Variants in BTRC observed in about 807,000 individuals in gnomAD.
The protein encoded by BTRC is beta-transducin repeat containing E3 ubiquitin protein ligase.
Under a neutral mutation model 85.5 loss-of-function variants are expected in BTRC, and 42 were observed. The observed-to-expected ratio is 0.49, with a 90% CI of 0.38 to 0.64. BTRC has a LOEUF of 0.64. Among genes scored for constraint, BTRC ranks in the 30% least tolerant of loss-of-function variants. The pLI is 0.00. For missense variants in BTRC, 594 were observed against 743.5 expected (o/e 0.80, Z 2.34); for synonymous variants, 255 against 263.3 (o/e 0.97, Z 0.30).
rs537901117 is a variant in BTRC at position 101,555,343 on chromosome 10, A to G, written c.*2220A>G. 1.3e-5 allele frequency: 2 copies of G among 152,760 alleles called. No homozygotes were observed. The highest frequency in any genetic ancestry group is 1.9e-4 in the East Asian group (1 of 5,192). The allele number at this position is 152,760 out of a possible 1,614,324, so 9.5% of individuals were successfully genotyped here. A position where few individuals can be genotyped will look rare whatever the true frequency, so the allele number is the denominator to read the frequency against. Reference sequence around the variant, plus strand: ...TTGGTGCCCAGGGTTTTGCTCTCCAATCTAGGTTCAGTTGAAGGAATATTG... The same window carrying G: ...TTGGTGCCCAGGGTTTTGCTCTCCAGTCTAGGTTCAGTTGAAGGAATATTG... On this transcript the variant is annotated 3_prime_UTR_variant, in exon 15 of 15. Coordinates refer to ENST00000370187, the MANE Select transcript of BTRC (RefSeq NM_033637.4).
intron 1 of BTRC, 90 bp downstream of exon 1, chr10:101,354,318 C>A (rs1165379307): frequency 6.1e-5 from 86 of 1,419,862 alleles, no homozygotes; most frequent in African/African-American, 7.4e-5. Context: ...CGGGACCGGG[C>A]AGCGGGACCC....
chr10:101,482,330 CT>C (rs927087475), intron 4 of BTRC, among the ~76,000 whole-genome samples: 20 of 146,284 alleles, frequency 1.4e-4, no homozygotes, highest in African/African-American at 4.8e-4. Flanking sequence ...CAAGTTTTTT[CT>C]TTTTTATTTA....
intron 2 of BTRC, among the ~76,000 whole-genome samples, chr10:101,461,736 C>A (rs1160299849): frequency 6.6e-6 from 1 of 152,088 alleles, no homozygotes; most frequent in Non-Finnish European, 1.5e-5. Context: ...ATATGATCTC[C>A]TACACAATGC....
At chr10:101,492,462 G>A (rs1946158111) in intron 4 of BTRC, among the ~76,000 whole-genome samples, 1 of 152,098 alleles carries the variant, frequency 6.6e-6, no homozygotes, top group Non-Finnish European at 1.5e-5. Context: ...ACATCTATGT[G>A]TGACGTTCAT....
chr10:101,404,639 A>T (rs945761453), intron 1 of BTRC, among the ~76,000 whole-genome samples: 1 of 152,084 alleles, frequency 6.6e-6, no homozygotes, highest in African/African-American at 2.4e-5. Context: ...GATATATTCC[A>T]TGCGTGTGCC....
rs556974618 is a variant in BTRC, at chr10:101,468,873, T to G, written c.234+6815T>G. Among the ~76,000 whole-genome samples the G allele has an allele frequency of 7.2e-5, 11 of 152,360 alleles. No individual in the cohort carries two copies. In the South Asian group the frequency reaches 2.1e-3, roughly 29 times the overall value. ...ATATGTTTCACCTGACAACTAAACC[T>G]TCTATTGATTAGCCATTACTTTGTT... On this transcript the variant is annotated intron_variant, in intron 3 of 14. Coordinates refer to ENST00000370187, the MANE Select transcript of BTRC (RefSeq NM_033637.4).
chr10:101,399,344 T>C (rs1554869485), intron 1 of BTRC, among the ~76,000 whole-genome samples: 2 of 91,112 alleles, frequency 2.2e-5, no homozygotes, highest in Non-Finnish European at 4.5e-5. Flanking sequence ...TTTTTTTTTT[T>C]AGAATTTTTA....
At chr10:101,532,584 A>C in intron 8 of BTRC, 152 bp downstream of exon 8, 1 of 1,069,884 alleles carries the variant, frequency 9.3e-7, no homozygotes, top group East Asian at 2.7e-5. Flanking sequence ...TCATTTCCTT[A>C]AAGGACAGAC....
chr10:101,446,856 T>G (rs192293576), intron 2 of BTRC, among the ~76,000 whole-genome samples: 31 of 152,302 alleles, frequency 2.0e-4, no homozygotes, highest in South Asian at 4.1e-4. Context: ...CCCCCAAAGA[T>G]CTAAACCAGG....
intron 1 of BTRC, among the ~76,000 whole-genome samples, chr10:101,365,351 G>A (rs1942338898): frequency 6.6e-6 from 1 of 150,484 alleles, no homozygotes; most frequent in African/African-American, 2.4e-5. Flanking sequence ...GGGATTACTG[G>A]CGTGAGCCAC....
chr10:101,439,518 CT>C (rs1382633326), intron 2 of BTRC, among the ~76,000 whole-genome samples: 1 of 152,178 alleles, frequency 6.6e-6, no homozygotes, highest in East Asian at 1.9e-4. Context: ...CTTGTATTGG[CT>C]ATGAAATATT....
At chr10:101,520,738 A>G (rs2062092251) in intron 4 of BTRC, among the ~76,000 whole-genome samples, 1 of 152,160 alleles carries the variant, frequency 6.6e-6, no homozygotes, top group Non-Finnish European at 1.5e-5. Context: ...TGGGCAGATC[A>G]TTTGATGTCA....
At chr10:101,495,236 G>T (rs1946230597) in intron 4 of BTRC, among the ~76,000 whole-genome samples, 1 of 152,144 alleles carries the variant, frequency 6.6e-6, no homozygotes, top group Admixed American at 6.5e-5. Flanking sequence ...ATGTTGCTTT[G>T]TTGGTGGAAC....
At chr10:101,461,443 G>GT (rs1945222990) in intron 2 of BTRC, among the ~76,000 whole-genome samples, 1 of 152,026 alleles carries the variant, frequency 6.6e-6, no homozygotes, top group African/African-American at 2.4e-5. Flanking sequence ...GCTGTTTGAG[G>GT]TGACAGTGCC....
chr10:101,363,442 CGTTTTT>C (rs1289878428), intron 1 of BTRC, among the ~76,000 whole-genome samples: 5 of 151,630 alleles, frequency 3.3e-5, no homozygotes, highest in East Asian at 3.9e-4. Context: ...AGGGGAAGTT[CGTTTTT>C]GTTTTTGTTT....
chr10:101,440,662 C>T (rs1182636351), intron 2 of BTRC, among the ~76,000 whole-genome samples: 1 of 151,866 alleles, frequency 6.6e-6, no homozygotes, highest in Non-Finnish European at 1.5e-5. Flanking sequence ...GTGGTGGTTG[C>T]AGTGAGCCGA....
At chr10:101,385,437 G>T (rs1401589993) in intron 1 of BTRC, among the ~76,000 whole-genome samples, 6 of 150,610 alleles carry the variant, frequency 4.0e-5, no homozygotes, top group Non-Finnish European at 5.9e-5. Flanking sequence ...AAGGATAGAT[G>T]AGATGAATTA....
intron 2 of BTRC, among the ~76,000 whole-genome samples, chr10:101,435,199 T>C (rs1476105105): frequency 6.6e-6 from 1 of 152,222 alleles, no homozygotes; most frequent in Non-Finnish European, 1.5e-5. Flanking sequence ...AATTATTTAC[T>C]TAGATTTTTA....
intron 1 of BTRC, among the ~76,000 whole-genome samples, chr10:101,388,596 C>T (rs1943145819): frequency 6.6e-6 from 1 of 152,036 alleles, no homozygotes; most frequent in Non-Finnish European, 1.5e-5. Flanking sequence ...TTCAAGTGAT[C>T]CTCCCACCTC....
Sources: gnomAD v4.1 joint callset for allele counts (sites outside exome capture counted in the v4.1 genomes callset) on GRCh38, gnomAD v4.1.1 for gene constraint, MANE v1.5 for transcripts, NCBI Gene and HGNC (gene_info 2026-07-23, HGNC 2026-07-21) for gene names.